STK10: variants seen among roughly 807,000 people sequenced by gnomAD.
STK10 encodes the protein serine/threonine kinase 10, also known as serine/threonine-protein kinase 10.
A neutral mutation model predicts 113.8 loss-of-function variants in STK10; 78 were observed. The observed-to-expected ratio is 0.69, with a 90% confidence interval of 0.57 to 0.83. The LOEUF (loss-of-function observed/expected upper bound fraction) is 0.83, where lower values mean the gene tolerates loss of function less well. STK10 is among the 40% of genes least tolerant of loss of function. STK10 has a pLI of 0.00. For missense variants in STK10, 1,109 were observed against 1,280.1 expected (o/e 0.87, Z 2.04); for synonymous variants, 465 against 494.7 (o/e 0.94, Z 0.80).
At chr5:172,163,327 A>G (rs1770504838) in intron 1 of STK10, among the ~76,000 whole-genome samples, 1 of 152,108 alleles carries the variant, frequency 6.6e-6, no homozygotes, top group African/African-American at 2.4e-5. Context: ...GGCTGGATCC[A>G]ATTCAAGCCT....
intron 12 of STK10, among the ~76,000 whole-genome samples, chr5:172,071,746 C>A (rs1218782466): frequency 1.3e-5 from 2 of 152,126 alleles, no homozygotes; most frequent in African/African-American, 4.8e-5. Context: ...TTTGCTGTCT[C>A]GTCCTTACAA....
At chr5:172,053,525 G>C (rs1767678064) in intron 17 of STK10, among the ~76,000 whole-genome samples, 1 of 152,238 alleles carries the variant, frequency 6.6e-6, no homozygotes, top group Non-Finnish European at 1.5e-5. Context: ...GAGGGTCACT[G>C]ACATGGGTGA....
At chr5:172,115,564 C>T (rs1409171676) in intron 4 of STK10, among the ~76,000 whole-genome samples, 1 of 152,184 alleles carries the variant, frequency 6.6e-6, no homozygotes, top group Non-Finnish European at 1.5e-5. Flanking sequence ...ATGATGTACA[C>T]ATTTTCCTGT....
At chr5:172,073,773 C>A (rs890662310) in intron 12 of STK10, among the ~76,000 whole-genome samples, 3 of 142,166 alleles carry the variant, frequency 2.1e-5, no homozygotes, top group Admixed American at 7.0e-5. Flanking sequence ...ATGGTGAAAC[C>A]CCATCTCTAC....
rs192423525 is a variant in STK10 at position 172,121,482 on chromosome 5, G to A, written c.371-3852C>T. ...AGCCTCCTGAGTAGCTGGAACCACC[G>A]GTGTGTGCCACCACACTCAGCTAGT... is the stretch of plus-strand genomic sequence containing the variant. On this transcript the variant is annotated intron_variant, in intron 3 of 18. Transcript: ENST00000176763. 9.7e-4 allele frequency among the ~76,000 whole-genome samples: 148 copies of A among 152,112 alleles called. 1 individual carries two copies. The highest frequency in any genetic ancestry group is 3.3e-3 in the African/African-American group (139 of 41,496).
At chr5:172,049,668 T>C (rs1767584671) in intron 18 of STK10, among the ~76,000 whole-genome samples, 1 of 152,220 alleles carries the variant, frequency 6.6e-6, no homozygotes, top group African/African-American at 2.4e-5. Flanking sequence ...AGTTTGCTTT[T>C]TCATTGTTTT....
intron 3 of STK10, among the ~76,000 whole-genome samples, chr5:172,118,555 G>A (rs1168664958): frequency 6.6e-6 from 1 of 152,136 alleles, no homozygotes; most frequent in Non-Finnish European, 1.5e-5. Context: ...AGCCAGCAGA[G>A]GCAACAGCTG....
chr5:172,068,884 C>CAA lies in STK10; in HGVS notation c.1990-4074_1990-4073dup, dbSNP rs57550509. On this transcript the variant is annotated intron_variant, in intron 12 of 18. Coordinates refer to ENST00000176763, the MANE Select transcript of STK10 (RefSeq NM_005990.4). The stretch of plus-strand genomic sequence containing the variant: ...TGGGCGACAGAGCAAGACTCTGCCT[C>CAA]AAAAAAAAAAAACAAAACCAAAAAC... Among the ~76,000 whole-genome samples the CAA allele has an allele frequency of 1.8e-3, 227 of 126,430 alleles. 1 individual carries two copies. The highest frequency in any genetic ancestry group is 2.6e-3 in the Non-Finnish European group (159 of 61,466). The allele number at this position is 126,430 out of a possible 152,430, so 82.9% of individuals were successfully genotyped here.
rs1350153142 is a variant in STK10 at position 172,187,536 on chromosome 5, C to T, written c.156+351G>A. Among the ~76,000 whole-genome samples, 1 of 152,038 alleles carries T rather than the reference C, an allele frequency of 6.6e-6. No homozygotes were observed. Among genetic ancestry groups the T allele is most frequent in the Non-Finnish European group, 1.5e-5 (1 of 67,896 alleles). On this transcript the variant is annotated intron_variant, in intron 1 of 18. Coordinates refer to ENST00000176763, the MANE Select transcript of STK10 (RefSeq NM_005990.4). This position sits in a 1 kb window ranked among gnomAD's most constrained non-coding sequence, Gnocchi z 4.6. ...CCCGTATCGCCGTTTTACGGAACGT[C>T]CCTGGAAGGTCCCTCGAGTGGCCCT...
intron 7 of STK10, among the ~76,000 whole-genome samples, chr5:172,100,417 A>C (rs1432847731): frequency 2.0e-5 from 3 of 151,946 alleles, no homozygotes; most frequent in Non-Finnish European, 2.9e-5. Context: ...CTTTCCAAGA[A>C]CTCAAGCCTA....
intron 4 of STK10, among the ~76,000 whole-genome samples, chr5:172,110,533 C>A (rs1769217138): frequency 6.6e-6 from 1 of 152,132 alleles, no homozygotes; most frequent in Non-Finnish European, 1.5e-5. Context: ...TGGGGAGCTA[C>A]TTTAGACACA....
chr5:172,066,128 C>A (rs547056930), intron 12 of STK10, among the ~76,000 whole-genome samples: 1 of 152,058 alleles, frequency 6.6e-6, no homozygotes, highest in East Asian at 1.9e-4. Context: ...CGCCTGTGAT[C>A]AAAAAGAGAG....
intron 2 of STK10, among the ~76,000 whole-genome samples, chr5:172,154,991 C>T (rs1770318677): frequency 6.6e-6 from 1 of 151,890 alleles, no homozygotes; most frequent in South Asian, 2.1e-4. Flanking sequence ...AACTTGGTAC[C>T]CAGCCACAAT....
chr5:172,135,942 G>A (rs1581172684), intron 2 of STK10, among the ~76,000 whole-genome samples: 1 of 150,788 alleles, frequency 6.6e-6, no homozygotes, highest in Non-Finnish European at 1.5e-5. Context: ...TATGAGAATC[G>A]CTTGAACCCA....
chr5:172,139,156 C>T (rs56174979), intron 2 of STK10, among the ~76,000 whole-genome samples: 1,777 of 152,284 alleles, frequency 0.012, 19 homozygotes, highest in Non-Finnish European at 0.015. Context: ...CTGTCAAATC[C>T]TGATGGCATC....
rs940630087 is a variant in STK10, at chr5:172,042,625, G to T, written c.*2257C>A. On this transcript the variant is annotated 3_prime_UTR_variant, in exon 19 of 19. Coordinates refer to ENST00000176763, the MANE Select transcript of STK10 (RefSeq NM_005990.4). ...TTCCCAACGCTGGCCTGGCCTGGTAGAACTGGGTCTATGTTCTGCAGTTAC... is the reference window on the plus strand; with the variant it reads ...TTCCCAACGCTGGCCTGGCCTGGTATAACTGGGTCTATGTTCTGCAGTTAC... 3.9e-5 allele frequency: 6 copies of T among 152,274 alleles called. No individual in the cohort carries two copies. Among genetic ancestry groups the T allele is most frequent in the African/African-American group, 1.4e-4 (6 of 41,454 alleles). 9.4% of individuals were successfully genotyped at this position (152,274 alleles called of 1,614,324 possible).
chr5:172,096,930 A>G lies in STK10; in HGVS notation c.871-370T>C, dbSNP rs543627435. On this transcript the variant is annotated intron_variant, in intron 7 of 18. Coordinates refer to ENST00000176763, the MANE Select transcript of STK10 (RefSeq NM_005990.4). ...GGGGCTCAAGCCGTGTTTGCAAGGG[A>G]GGGTGTCTATTTTCCTTTTTAAAAG... Among the ~76,000 whole-genome samples the G allele has an allele frequency of 1.1e-4, 16 of 152,338 alleles. No homozygotes were observed. The South Asian group carries it at 3.3e-3, about 32-fold the overall frequency.
At chr5:172,077,445 C>CTCATGGAT (rs1190963120) in intron 12 of STK10, among the ~76,000 whole-genome samples, 3 of 152,216 alleles carry the variant, frequency 2.0e-5, no homozygotes, top group African/African-American at 7.2e-5. Context: ...AAGCCAGTTT[C>CTCATGGAT]TCATGGATGC....
intron 2 of STK10, among the ~76,000 whole-genome samples, chr5:172,154,627 C>A (rs1344159310): frequency 2.0e-5 from 3 of 152,176 alleles, no homozygotes; most frequent in African/African-American, 7.2e-5. Context: ...GTCTTGGCCA[C>A]AGCAGTGGGC....
Sources: gnomAD v4.1 joint callset for allele counts (sites outside exome capture counted in the v4.1 genomes callset) on GRCh38, gnomAD v4.1.1 for gene constraint, Gnocchi (gnomAD v3.1) non-coding constraint, MANE v1.5 for transcripts, NCBI Gene and HGNC (gene_info 2026-07-23, HGNC 2026-07-21) for gene names.